Variants in DRC8 observed in about 807,000 individuals in gnomAD.
DRC8 encodes dynein regulatory complex protein 8.
chr1:245,080,674 C>T, the DRC8 span, among the ~76,000 whole-genome samples: 3 of 152,138 alleles, frequency 2.0e-5, no homozygotes, highest in Non-Finnish European at 2.9e-5. Context: ...TTTTTTGAAG[C>T]CATCCATTTC....
chr1:245,078,439 C>T, the DRC8 span, among the ~76,000 whole-genome samples: 1 of 33,660 alleles, frequency 3.0e-5, no homozygotes, highest in East Asian at 9.0e-4. Context: ...TGTCTATAAA[C>T]AAATGAGTGG....
chr1:245,087,305 C>T, the DRC8 span: 3 of 1,611,018 alleles, frequency 1.9e-6, no homozygotes, highest in Non-Finnish European at 1.7e-6. Context: ...GATCCAGAAT[C>T]AAATTCAATT....
At chr1:245,080,927 GCCT>G in the DRC8 span, among the ~76,000 whole-genome samples, 2 of 152,116 alleles carry the variant, frequency 1.3e-5, no homozygotes, top group East Asian at 3.9e-4. Context: ...TTGTACTCCA[GCCT>G]CCTAGCCGCC....
At chr1:245,046,000 A>G in the DRC8 span, among the ~76,000 whole-genome samples, 1 of 152,170 alleles carries the variant, frequency 6.6e-6, no homozygotes, top group African/African-American at 2.4e-5. Flanking sequence ...AGTGTGAAAT[A>G]GCCTTAGGAT....
chr1:245,016,330 C>A, the DRC8 span, among the ~76,000 whole-genome samples: 2 of 152,276 alleles, frequency 1.3e-5, no homozygotes, highest in Middle Eastern at 3.4e-3. Context: ...GATCTTATTT[C>A]TTACTCTTCT....
At chr1:245,019,565 G>A in the DRC8 span, among the ~76,000 whole-genome samples, 1 of 152,022 alleles carries the variant, frequency 6.6e-6, no homozygotes, top group Admixed American at 6.6e-5. Flanking sequence ...AGTGACAGGG[G>A]TGTTGCTATG....
chr1:245,043,345 A>G, the DRC8 span, among the ~76,000 whole-genome samples: 1 of 152,034 alleles, frequency 6.6e-6, no homozygotes, highest in Non-Finnish European at 1.5e-5. Context: ...AGGCAGGAGA[A>G]TTGCTTGAAC....
chr1:245,063,685 G>A, the DRC8 span, among the ~76,000 whole-genome samples: 3 of 152,272 alleles, frequency 2.0e-5, no homozygotes, highest in South Asian at 4.1e-4. Context: ...AGGCACAATG[G>A]TGGCCCACTG....
the DRC8 span, chr1:245,075,598 C>T: frequency 6.6e-6 from 1 of 152,304 alleles, no homozygotes; most frequent in East Asian, 1.9e-4. Context: ...CGTATCAGGG[C>T]CTTGGTTTTC....
At chr1:245,099,958 C>G in the DRC8 span, among the ~76,000 whole-genome samples, 1 of 152,138 alleles carries the variant, frequency 6.6e-6, no homozygotes, top group Non-Finnish European at 1.5e-5. Flanking sequence ...GGTCACCTCC[C>G]TCATAATTTT....
the DRC8 span, chr1:245,122,179 AG>A: frequency 3.9e-5 from 9 of 230,066 alleles, no homozygotes; most frequent in Non-Finnish European, 7.7e-5. Flanking sequence ...CTGGGATTAC[AG>A]GCATGAGCCA....
At chr1:245,058,684 T>A in the DRC8 span, among the ~76,000 whole-genome samples, 1 of 152,250 alleles carries the variant, frequency 6.6e-6, no homozygotes, top group Non-Finnish European at 1.5e-5. Context: ...TCAGAGAGTA[T>A]TGAATAGCAT....
At chr1:244,970,526 GC>G in the DRC8 span, 1 of 1,482,756 alleles carries the variant, frequency 6.7e-7, no homozygotes, top group Non-Finnish European at 8.9e-7. Context: ...GGTGGGGTGG[GC>G]CCTCGTCCAT....
At chr1:245,087,342 G>A in the DRC8 span, 3 of 1,585,152 alleles carry the variant, frequency 1.9e-6, no homozygotes, top group South Asian at 3.5e-5. Flanking sequence ...TAACAATGAT[G>A]GTGATAGATG....
At chr1:245,008,934 C>T in the DRC8 span, among the ~76,000 whole-genome samples, 1 of 151,870 alleles carries the variant, frequency 6.6e-6, no homozygotes, top group African/African-American at 2.4e-5. Context: ...GCAGTGCCCC[C>T]AGCCTGGCCT....
the DRC8 span, among the ~76,000 whole-genome samples, chr1:244,988,426 T>C: frequency 1.3e-5 from 2 of 152,148 alleles, no homozygotes; most frequent in Admixed American, 1.3e-4. Flanking sequence ...TTGTGGCCTA[T>C]TAGAGTAGGA....
the DRC8 span, among the ~76,000 whole-genome samples, chr1:244,996,445 TAC>T: frequency 6.6e-6 from 1 of 152,164 alleles, no homozygotes; most frequent in Admixed American, 6.5e-5. Flanking sequence ...ATATGGACGT[TAC>T]CAGGAGGCAG....
the DRC8 span, among the ~76,000 whole-genome samples, chr1:245,115,828 A>G: frequency 6.6e-6 from 1 of 151,826 alleles, no homozygotes; most frequent in Non-Finnish European, 1.5e-5. Context: ...GCTCGGCAGG[A>G]GGATTCTTTG....
the DRC8 span, among the ~76,000 whole-genome samples, chr1:244,989,998 C>T: frequency 6.6e-6 from 1 of 152,194 alleles, no homozygotes. Context: ...CCAGTTTATC[C>T]ACATTGTATA....
Sources: allele counts gnomAD v4.1 joint callset (sites outside exome capture counted in the v4.1 genomes callset), GRCh38; gene constraint gnomAD v4.1.1; transcripts MANE v1.5; gene names NCBI Gene and HGNC (gene_info 2026-07-23, HGNC 2026-07-21).